The following CHD9 variants were observed in gnomAD, a reference collection of about 807,000 sequenced individuals.
The protein encoded by CHD9 is ATP-dependent chromatin remodeler CHD9.
In CHD9, 77 loss-of-function variants were observed where a neutral mutation model predicts 316.1. The observed-to-expected ratio is 0.24, with a 90% CI of 0.20 to 0.29. The LOEUF is 0.29. CHD9 is among the 10% of genes least tolerant of loss of function. The pLI is 1.00. For missense variants in CHD9, 2,763 were observed against 3,438.1 expected (o/e 0.80, Z 4.91); for synonymous variants, 1,129 against 1,158.3 (o/e 0.97, Z 0.51).
chr16:53,287,945 G>T lies in CHD9; in HGVS notation c.5190-12G>T. On this transcript the variant is annotated splice_polypyrimidine_tract_variant and intron_variant, in intron 26 of 38. Coordinates refer to ENST00000447540, the MANE Select transcript of CHD9 (RefSeq NM_001308319.2). ...ATTACAGTAATTATAGCATTTGTTT[G>T]TATTTTAACAGGGATGTGGAAGATC... 1.3e-6 allele frequency: 2 copies of T among 1,598,088 alleles called. No individual in the cohort carries two copies. The highest frequency in any genetic ancestry group is 1.7e-6 in the Non-Finnish European group (2 of 1,165,504).
chr16:53,214,034 T>C (rs2046542026), intron 3 of CHD9, among the ~76,000 whole-genome samples: 1 of 152,180 alleles, frequency 6.6e-6, no homozygotes. Context: ...GAATTAAGTA[T>C]AAGTCATGTT....
chr16:53,319,436 T>C (rs913525877), intron 37 of CHD9, among the ~76,000 whole-genome samples: 1 of 152,222 alleles, frequency 6.6e-6, no homozygotes, highest in Admixed American at 6.5e-5. Flanking sequence ...ACCAACTCTT[T>C]AAAGTTAATG....
chr16:53,184,322 G>A (rs977909914), intron 2 of CHD9, among the ~76,000 whole-genome samples: 1 of 152,098 alleles, frequency 6.6e-6, no homozygotes, highest in Non-Finnish European at 1.5e-5. Flanking sequence ...GTAGTGATTT[G>A]TGTCTTAGAC....
chr16:53,145,432 T>G (rs551236244), intron 1 of CHD9, among the ~76,000 whole-genome samples: 2 of 151,236 alleles, frequency 1.3e-5, no homozygotes, highest in South Asian at 4.2e-4. Context: ...ATTACAGGCA[T>G]GAGCCACCAT....
In CHD9 at chr16:53,168,552, A is replaced by G. The variant is rs542224000; in HGVS notation, c.1452+11011A>G. On this transcript the variant is annotated intron_variant, in intron 2 of 38. Coordinates refer to ENST00000447540, the MANE Select transcript of CHD9 (RefSeq NM_001308319.2). ...TGGTTTAGTAGAAACTTGGCTCTAA[A>G]TTTATTATGCATTCTATGGTACCTA... is the stretch of plus-strand genomic sequence containing the variant. The G allele has an allele frequency of 5.9e-5, 9 of 152,312 alleles. No homozygotes were observed. In the East Asian group the frequency reaches 1.7e-3, roughly 29 times the overall value. The allele number at this position is 152,312 out of a possible 1,614,324, so 9.4% of individuals were successfully genotyped here. A position where few individuals can be genotyped will look rare whatever the true frequency, so the allele number is the denominator to read the frequency against.
At chr16:53,122,588 A>T (rs2038788276) in intron 1 of CHD9, among the ~76,000 whole-genome samples, 1 of 142,744 alleles carries the variant, frequency 7.0e-6, no homozygotes. Context: ...TCTGTGGCCC[A>T]GGCTGGAGTA....
At chr16:53,096,296 T>C (rs1178175030) in intron 1 of CHD9, among the ~76,000 whole-genome samples, 2 of 152,090 alleles carry the variant, frequency 1.3e-5, no homozygotes, top group Non-Finnish European at 2.9e-5. Flanking sequence ...ACTGTCTTAT[T>C]CAACTTTGGG....
chr16:53,303,665 T>G, intron 30 of CHD9, 55 bp from the exon 31 acceptor site: 1 of 1,245,534 alleles, frequency 8.0e-7, no homozygotes, highest in Non-Finnish European at 1.1e-6. Flanking sequence ...TAATGATTTA[T>G]TTATAAATAA....
intron 1 of CHD9, among the ~76,000 whole-genome samples, chr16:53,059,894 TGCCACTGTAGAGTAAAAGCAGCC>T (rs2032649655): frequency 6.6e-6 from 1 of 151,992 alleles, no homozygotes; most frequent in Admixed American, 6.6e-5. Flanking sequence ...GATGAGAAAC[TGCCACTGTAGAGTAAAAGCAGCC>T]GTAGATGGTA....
intron 1 of CHD9, among the ~76,000 whole-genome samples, chr16:53,075,540 A>G (rs2034449447): frequency 6.6e-6 from 1 of 152,220 alleles, no homozygotes; most frequent in Admixed American, 6.5e-5. Context: ...AATTTGAATC[A>G]TGGGGGCGGT....
chr16:53,321,209 A>C, intron 37 of CHD9: 1 of 1,312,390 alleles, frequency 7.6e-7, no homozygotes, highest in Non-Finnish European at 1.0e-6. Context: ...GCTCGAGTTC[A>C]CATAGCTGGT....
At chr16:53,060,439 C>A (rs1022917896) in intron 1 of CHD9, among the ~76,000 whole-genome samples, 3 of 151,980 alleles carry the variant, frequency 2.0e-5, no homozygotes, top group Admixed American at 6.6e-5. Flanking sequence ...CATAGTGAGA[C>A]CTCATTTCTA....
chr16:53,205,130 C>T (rs958868835), intron 2 of CHD9, among the ~76,000 whole-genome samples: 55 of 152,162 alleles, frequency 3.6e-4, no homozygotes, highest in African/African-American at 1.1e-3. Flanking sequence ...CATGAGCCAC[C>T]GCGCCCGACC....
At position 53,157,213 on chromosome 16, in the gene CHD9, A is replaced by G. The variant is rs910296828; in HGVS notation, c.1124A>G (p.Asn375Ser). The change falls in exon 2 of 39, where the codon AAT (asparagine) becomes AGT (serine). Residue 375 changes from asparagine (N) to serine (S), a missense_variant. Physicochemically the swap from Asn to Ser is conservative, Grantham distance 46. This residue lies in a region of CHD9 where 859 missense variants were observed against 890.4 expected (regional missense o/e 0.96). Transcript: ENST00000447540. ...TCAGGAACTCAAATGGGCCATTTCAATGATCATGTAGAAACTAATGGCTTT... is the reference window on the plus strand; with the variant it reads ...TCAGGAACTCAAATGGGCCATTTCAGTGATCATGTAGAAACTAATGGCTTT... ...VDSGTQMGHF[N>S]DHVETNGFSS... is the part of the protein sequence containing the mutation. The G allele has an allele frequency of 1.0e-5, 16 of 1,603,686 alleles. 1 individual carries two copies. The highest frequency in any genetic ancestry group is 6.7e-5 in the African/African-American group (5 of 74,808).
chr16:53,301,998 C>T (rs2153077377), intron 30 of CHD9, among the ~76,000 whole-genome samples: 1 of 152,054 alleles, frequency 6.6e-6, no homozygotes, highest in South Asian at 2.1e-4. Flanking sequence ...CTCCTGACCT[C>T]ATGATCCACC....
Position 53,139,677 on chromosome 16 carries a change from A to C in CHD9, c.-164-16249A>C, listed in dbSNP as rs151067954. The stretch of plus-strand genomic sequence containing the variant: ...TGACTGGTATGAGAGGGAAAGCTAC[A>C]TTTAGTTAAGCACTTACTACTGTAT... On this transcript the variant is annotated intron_variant, in intron 1 of 38. Transcript: ENST00000447540. 3.0e-3 allele frequency among the ~76,000 whole-genome samples: 459 copies of C among 152,324 alleles called. 5 individuals carry two copies. The highest frequency in any genetic ancestry group is 0.011 in the African/African-American group (441 of 41,576).
In CHD9 at chr16:53,247,348, T is replaced by C; in HGVS notation, c.3510T>C (p.Ser1170=). 1.9e-6 allele frequency: 3 copies of C among 1,607,132 alleles called. No individual in the cohort carries two copies. Among genetic ancestry groups the C allele is most frequent in the Non-Finnish European group, 2.6e-6 (3 of 1,176,244 alleles). The change falls in exon 16 of 39, where the codon TCT becomes TCC. Residue 1170 remains serine (S), a synonymous_variant. Coordinates refer to ENST00000447540, the MANE Select transcript of CHD9 (RefSeq NM_001308319.2). ...GAGATACTTACAATCCAGCTGCTTC[T>C]GATTTTCATCTTCAAGCAATGATCC... ...EFRDTYNPAA[S]DFHLQAMIQS... is the part of the protein sequence containing the mutation.
At chr16:53,126,636 C>A (rs2038980030) in intron 1 of CHD9, among the ~76,000 whole-genome samples, 1 of 141,270 alleles carries the variant, frequency 7.1e-6, no homozygotes, top group East Asian at 2.1e-4. Context: ...TTTCTCCCTT[C>A]CTTCCTTCCT....
rs1397347674 is a variant in CHD9, at chr16:53,086,608, G to T, written c.-165+31531G>T. ...GCCTCAGTGTTGGTGTCTTTAAAAT[G>T]AGGAAAAAAATCATTTGTGAGGTGC... On this transcript the variant is annotated intron_variant, in intron 1 of 38. Coordinates refer to ENST00000447540, the MANE Select transcript of CHD9 (RefSeq NM_001308319.2). Among the ~76,000 whole-genome samples, 3 of 152,174 alleles carry T rather than the reference G, an allele frequency of 2.0e-5. No individual in the cohort carries two copies. In the East Asian group the frequency reaches 5.8e-4, roughly 29 times the overall value.
Sources: allele counts gnomAD v4.1 joint callset (sites outside exome capture counted in the v4.1 genomes callset), GRCh38; gene constraint gnomAD v4.1.1; regional missense constraint gnomAD v4.1.1; transcripts MANE v1.5; gene names NCBI Gene and HGNC (gene_info 2026-07-23, HGNC 2026-07-21).